SMURF2: variants seen among roughly 807,000 people sequenced by gnomAD.
The protein encoded by SMURF2 is SMAD specific E3 ubiquitin protein ligase 2.
A neutral mutation model predicts 109.6 loss-of-function variants in SMURF2; 48 were observed. The observed-to-expected ratio is 0.44, with a 90% confidence interval of 0.35 to 0.56. The LOEUF is 0.56. Among genes scored for constraint, SMURF2 ranks in the 20% least tolerant of loss-of-function variants. SMURF2 has a pLI of 0.01. For missense variants in SMURF2, 575 were observed against 909.0 expected (o/e 0.63, Z 4.72); for synonymous variants, 288 against 317.1 (o/e 0.91, Z 0.97).
intron 3 of SMURF2, among the ~76,000 whole-genome samples, chr17:64,596,209 A>G (rs2144660053): frequency 6.6e-6 from 1 of 152,242 alleles, no homozygotes; most frequent in Non-Finnish European, 1.5e-5. Context: ...CATTTTAAGA[A>G]ACAGGGTCTC....
rs1969046630 is a variant in SMURF2 at position 64,551,565 on chromosome 17, A to G, written c.1869+19T>C. On this transcript the variant is annotated intron_variant, in intron 16 of 18. Coordinates refer to ENST00000262435, the MANE Select transcript of SMURF2 (RefSeq NM_022739.4). ...CCTTCCTTGTTACACTAGTGATGTTATAATACTAATGCACTAACCTCTAAC... is the reference window on the plus strand; with the variant it reads ...CCTTCCTTGTTACACTAGTGATGTTGTAATACTAATGCACTAACCTCTAAC... 1 of 1,612,472 alleles carries G rather than the reference A, an allele frequency of 6.2e-7. No individual in the cohort carries two copies. The highest frequency in any genetic ancestry group is 1.3e-5 in the African/African-American group (1 of 75,024).
At chr17:64,608,501 C>G (rs1555689262) in intron 1 of SMURF2, among the ~76,000 whole-genome samples, 1 of 152,122 alleles carries the variant, frequency 6.6e-6, no homozygotes, top group African/African-American at 2.4e-5. Flanking sequence ...AACTCCTCCC[C>G]AAACTTTTGT....
Position 64,581,180 on chromosome 17 carries a change from C to T in SMURF2, c.570-189G>A, listed in dbSNP as rs1431550736. Reference sequence around the variant, plus strand: ...GAAGTCTCTAAGCACCAAAGAAATGCAAATGATAAGCATGTCATCAACTAT... The same window carrying T: ...GAAGTCTCTAAGCACCAAAGAAATGTAAATGATAAGCATGTCATCAACTAT... On this transcript the variant is annotated intron_variant, in intron 7 of 18. Transcript: ENST00000262435. The surrounding 1 kb of genome is among the most constrained non-coding windows in gnomAD (Gnocchi z 4.3). Among the ~76,000 whole-genome samples, 1 of 152,152 alleles carries T rather than the reference C, an allele frequency of 6.6e-6. No individual in the cohort carries two copies. Among genetic ancestry groups the T allele is most frequent in the Non-Finnish European group, 1.5e-5 (1 of 68,008 alleles).
intron 15 of SMURF2, among the ~76,000 whole-genome samples, chr17:64,553,694 C>A (rs1969078072): frequency 6.6e-6 from 1 of 152,058 alleles, no homozygotes; most frequent in East Asian, 1.9e-4. Context: ...CTTTTTTTCA[C>A]AAGTAGCATT....
At chr17:64,555,266 T>C (rs574820411) in intron 14 of SMURF2, among the ~76,000 whole-genome samples, 5 of 152,308 alleles carry the variant, frequency 3.3e-5, no homozygotes, top group Non-Finnish European at 7.3e-5. Context: ...ACAATTTCAG[T>C]TACATTTGGC....
chr17:64,644,076 G>A (rs984421104), intron 1 of SMURF2, among the ~76,000 whole-genome samples: 2 of 152,084 alleles, frequency 1.3e-5, no homozygotes, highest in Non-Finnish European at 2.9e-5. Context: ...CACAATCTTG[G>A]CTCACTGCAA....
At chr17:64,621,672 A>G (rs1287365519) in intron 1 of SMURF2, among the ~76,000 whole-genome samples, 23 of 149,568 alleles carry the variant, frequency 1.5e-4, no homozygotes, top group African/African-American at 5.4e-4. Flanking sequence ...TCAGGAGTTC[A>G]AGACCAGCCT....
At position 64,581,565 on chromosome 17, in the gene SMURF2, G is replaced by A. The variant is rs1969578547; in HGVS notation, c.570-574C>T. ...AGTCATTTGACAATACATCACAAAA[G>A]GAAAGAAGACAGTTTGTCTCTTTAA... On this transcript the variant is annotated intron_variant, in intron 7 of 18. Coordinates refer to ENST00000262435, the MANE Select transcript of SMURF2 (RefSeq NM_022739.4). This position sits in a 1 kb window ranked among gnomAD's most constrained non-coding sequence, Gnocchi z 4.3. Among the ~76,000 whole-genome samples, 1 of 152,090 alleles carries A rather than the reference G, an allele frequency of 6.6e-6. No homozygotes were observed. The highest frequency in any genetic ancestry group is 1.5e-5 in the Non-Finnish European group (1 of 68,024).
intron 1 of SMURF2, among the ~76,000 whole-genome samples, chr17:64,658,602 A>G (rs1970734648): frequency 6.6e-6 from 1 of 152,200 alleles, no homozygotes; most frequent in African/African-American, 2.4e-5. Context: ...AAATGTATAA[A>G]AAGGTCTGAA....
At chr17:64,575,774 TA>T (rs1969481386) in intron 9 of SMURF2, among the ~76,000 whole-genome samples, 1 of 151,972 alleles carries the variant, frequency 6.6e-6, no homozygotes, top group Non-Finnish European at 1.5e-5. Flanking sequence ...CTGCTGTGCT[TA>T]ACATAAAATA....
At chr17:64,643,242 C>T (rs138597919) in intron 1 of SMURF2, among the ~76,000 whole-genome samples, 105 of 152,022 alleles carry the variant, frequency 6.9e-4, no homozygotes, top group African/African-American at 2.4e-3. Flanking sequence ...AGGCTGGTCT[C>T]GAACTCCTGA....
In SMURF2 at chr17:64,569,334, C is replaced by T. The variant is rs576889629; in HGVS notation, c.1016+2464G>A. On this transcript the variant is annotated intron_variant, in intron 10 of 18. Transcript: ENST00000262435. ...AAAAATCCATACACAAAAGTAAAGT[C>T]CACATGGATTAAAGACTTTACAGTA... Among the ~76,000 whole-genome samples the T allele has an allele frequency of 1.2e-4, 18 of 151,414 alleles. No individual in the cohort carries two copies. In the East Asian group the frequency reaches 3.1e-3, roughly 26 times the overall value.
chr17:64,564,073 G>A (rs1555684757), intron 10 of SMURF2, among the ~76,000 whole-genome samples: 1 of 152,172 alleles, frequency 6.6e-6, no homozygotes, highest in African/African-American at 2.4e-5. Flanking sequence ...GAGGGCTGGG[G>A]GCATGGCAAA....
Position 64,586,113 on chromosome 17 carries a change from C to G in SMURF2, c.458G>C (p.Arg153Pro), listed in dbSNP as rs781984446. ...GTGGQVVDCSRLFDNDLPDGW... is the reference protein window; with the variant it reads ...GTGGQVVDCSPLFDNDLPDGW... ...GTCTGGTAAATCGTTATCAAATAAA[C>G]GACTGCAGTCCACAACTTGTCCTCC... Residue 153 changes from arginine to proline, a missense_variant, in exon 6 of 19, where the codon CGT becomes CCT. This residue lies in a region of SMURF2 where 151 missense variants were observed against 178.4 expected (regional missense o/e 0.85). Transcript: ENST00000262435. 1.9e-6 allele frequency: 3 copies of G among 1,610,192 alleles called. No individual in the cohort carries two copies. The highest frequency in any genetic ancestry group is 2.2e-5 in the East Asian group (1 of 44,698).
At chr17:64,629,467 G>A (rs1555691418) in intron 1 of SMURF2, among the ~76,000 whole-genome samples, 1 of 152,100 alleles carries the variant, frequency 6.6e-6, no homozygotes, top group Non-Finnish European at 1.5e-5. Context: ...TCACACCACT[G>A]CACTCCACCC....
At chr17:64,554,745 T>A in intron 15 of SMURF2, 111 bp downstream of exon 15, 1 of 972,770 alleles carries the variant, frequency 1.0e-6, no homozygotes, top group Non-Finnish European at 1.5e-6. Context: ...TAAATTCTCC[T>A]GAAGCGGATT....
At chr17:64,564,485 T>A (rs1400586794) in intron 10 of SMURF2, among the ~76,000 whole-genome samples, 1 of 152,184 alleles carries the variant, frequency 6.6e-6, no homozygotes, top group African/African-American at 2.4e-5. Flanking sequence ...CTGGTCAACC[T>A]GTGGATTTGA....
chr17:64,546,426 C>T, intron 17 of SMURF2, 88 bp from the exon 18 acceptor site: 1 of 1,148,746 alleles, frequency 8.7e-7, no homozygotes, highest in Non-Finnish European at 1.3e-6. Flanking sequence ...AAGTTAACCA[C>T]AGGATCTGGG....
chr17:64,652,382 T>C (rs1197210649), intron 1 of SMURF2, among the ~76,000 whole-genome samples: 2 of 152,256 alleles, frequency 1.3e-5, no homozygotes, highest in Admixed American at 1.3e-4. Context: ...AAAGCTATAG[T>C]AATCAAGACA....
Sources: gnomAD v4.1 joint callset for allele counts (sites outside exome capture counted in the v4.1 genomes callset) on GRCh38, gnomAD v4.1.1 for gene constraint, gnomAD v4.1.1 regional missense constraint, Gnocchi (gnomAD v3.1) non-coding constraint, MANE v1.5 for transcripts, NCBI Gene and HGNC (gene_info 2026-07-23, HGNC 2026-07-21) for gene names.